Variants in LRCH3 observed in about 807,000 individuals in gnomAD.
LRCH3 encodes the protein leucine rich repeats and calponin homology domain containing 3.
A neutral mutation model predicts 104.5 loss-of-function variants in LRCH3; 68 were observed. That is an observed-to-expected ratio of 0.65 (90% CI 0.54 to 0.80). LRCH3 has a LOEUF of 0.80. LRCH3 is among the 30% of genes least tolerant of loss of function. The pLI is 0.00. For missense variants in LRCH3, 951 were observed against 953.9 expected, an observed-to-expected ratio of 1.00 and a Z score of 0.04; for synonymous variants, 344 against 361.3, an observed-to-expected ratio of 0.95 and a Z score of 0.54.
chr3:197,817,687 A>G (rs1734012820), intron 3 of LRCH3, among the ~76,000 whole-genome samples: 3 of 152,018 alleles, frequency 2.0e-5, no homozygotes, highest in Non-Finnish European at 2.9e-5. Flanking sequence ...TGTATCATCA[A>G]TATTCTGATT....
At chr3:197,875,893 C>A in intron 20 of LRCH3, 118 bp downstream of exon 20, 1 of 630,890 alleles carries the variant, frequency 1.6e-6, no homozygotes, top group Non-Finnish European at 2.7e-6. Flanking sequence ...TCATAATTAA[C>A]ATGACTTTGT....
chr3:197,791,269 C>G lies in LRCH3; in HGVS notation c.-10C>G, dbSNP rs374623656. 6 of 1,608,186 alleles carry G rather than the reference C, an allele frequency of 3.7e-6. No homozygotes were observed. Among genetic ancestry groups the G allele is most frequent in the Admixed American group, 1.7e-5 (1 of 59,652 alleles). On this transcript the variant is annotated 5_prime_UTR_variant, in exon 1 of 21. Coordinates refer to ENST00000425562, the MANE Select transcript of LRCH3 (RefSeq NM_001365715.1). ...CTGAGCTGGCGGGCCCGAGTGTTGT[C>G]GGCTGGGAAATGGCGGCCGCGGGCT... is the stretch of plus-strand genomic sequence containing the variant.
chr3:197,793,040 C>T (rs1273778792), intron 1 of LRCH3, among the ~76,000 whole-genome samples: 2 of 152,202 alleles, frequency 1.3e-5, no homozygotes, highest in Non-Finnish European at 2.9e-5. Flanking sequence ...CCGCCGACCT[C>T]GGCCTTACAA....
chr3:197,791,583 G>T (rs1291297486), intron 1 of LRCH3, 43 bp downstream of exon 1: 2 of 1,488,242 alleles, frequency 1.3e-6, no homozygotes, highest in Non-Finnish European at 1.8e-6. Context: ...GAGACCCGGC[G>T]CCGGGAGCCG....
chr3:197,824,255 G>T (rs1734842530), intron 4 of LRCH3, among the ~76,000 whole-genome samples: 1 of 151,676 alleles, frequency 6.6e-6, no homozygotes, highest in Admixed American at 6.6e-5. Flanking sequence ...AGTAGAGATG[G>T]GGTTTCACCA....
intron 16 of LRCH3, 94 bp downstream of exon 16, chr3:197,865,565 T>G (rs1338180710): frequency 1.3e-6 from 1 of 792,526 alleles, no homozygotes; most frequent in Non-Finnish European, 1.9e-6. Flanking sequence ...GAGGCCTTTC[T>G]GTGTTGACCA....
chr3:197,850,795 G>C, intron 12 of LRCH3: 1 of 1,222,936 alleles, frequency 8.2e-7, no homozygotes, highest in Non-Finnish European at 1.2e-6. Context: ...CGCTGTTTCT[G>C]TAAAGTGACA....
rs1218812239 is a variant in LRCH3 at position 197,856,682 on chromosome 3, C to T, written c.1645-2152C>T. On this transcript the variant is annotated intron_variant, in intron 14 of 20. Transcript: ENST00000425562. This position sits in a 1 kb window ranked among gnomAD's most constrained non-coding sequence, Gnocchi z 4.2. The stretch of plus-strand genomic sequence containing the variant: ...GATTACAGGCATGAGCCACCGTGCC[C>T]AGCTTGTTTATTCTTTTATTATCTC... Among the ~76,000 whole-genome samples the T allele has an allele frequency of 6.6e-6, 1 of 152,136 alleles. No individual in the cohort carries two copies. Among genetic ancestry groups the T allele is most frequent in the African/African-American group, 2.4e-5 (1 of 41,438 alleles).
intron 5 of LRCH3, among the ~76,000 whole-genome samples, chr3:197,828,875 T>G (rs576134898): frequency 6.6e-6 from 1 of 152,028 alleles, no homozygotes; most frequent in Admixed American, 6.6e-5. Flanking sequence ...GCCCGGCTAA[T>G]TTTTTGTATT....
intron 16 of LRCH3, among the ~76,000 whole-genome samples, chr3:197,865,822 A>G (rs1186412970): frequency 6.7e-6 from 1 of 149,524 alleles, no homozygotes; most frequent in Non-Finnish European, 1.5e-5. Flanking sequence ...CTAGTCAGCC[A>G]TTTGATATGA....
chr3:197,871,508 G>C (rs548366915), intron 19 of LRCH3, 46 bp downstream of exon 19: 2 of 1,605,112 alleles, frequency 1.2e-6, no homozygotes, highest in South Asian at 1.1e-5. Flanking sequence ...TCAGACATTT[G>C]TTAAGCACAG....
At position 197,856,534 on chromosome 3, in the gene LRCH3, A is replaced by G. The variant is rs1740268970; in HGVS notation, c.1644+2089A>G. Among the ~76,000 whole-genome samples the G allele has an allele frequency of 6.6e-6, 1 of 151,958 alleles. No individual in the cohort carries two copies. The highest frequency in any genetic ancestry group is 1.5e-5 in the Non-Finnish European group (1 of 67,964). On this transcript the variant is annotated intron_variant, in intron 14 of 20. Transcript: ENST00000425562. This position sits in a 1 kb window ranked among gnomAD's most constrained non-coding sequence, Gnocchi z 4.2. ...CTTGAGTAGCTGGGACTACGGGTGC[A>G]TGCACCACACGTGGCTAATTTTTTT...
chr3:197,798,385 A>G (rs1345703290), intron 1 of LRCH3, among the ~76,000 whole-genome samples: 1 of 152,256 alleles, frequency 6.6e-6, no homozygotes, highest in Non-Finnish European at 1.5e-5. Context: ...TGAAGCTTGA[A>G]GAAAACTCTT....
In LRCH3 at chr3:197,884,315, TG is replaced by T. The variant is rs1714025239; in HGVS notation, c.*651del. 1 of 152,332 alleles carries T rather than the reference TG, an allele frequency of 6.6e-6. No homozygotes were observed. The highest frequency in any genetic ancestry group is 1.5e-5 in the Non-Finnish European group (1 of 68,146). 9.4% of individuals were successfully genotyped at this position (152,332 alleles called of 1,614,324 possible). A position where few individuals can be genotyped will look rare whatever the true frequency, so the allele number is the denominator to read the frequency against. On this transcript the variant is annotated 3_prime_UTR_variant, in exon 21 of 21. Coordinates refer to ENST00000425562, the MANE Select transcript of LRCH3 (RefSeq NM_001365715.1). ...GACAACAGGTGCCCGCCACCATGCCTGGCTAATTTTCTTGTATTTTTAGTAG... is the reference window on the plus strand; with the variant it reads ...GACAACAGGTGCCCGCCACCATGCCTGCTAATTTTCTTGTATTTTTAGTAG...
intron 3 of LRCH3, among the ~76,000 whole-genome samples, chr3:197,819,027 G>A (rs1366887383): frequency 6.6e-6 from 1 of 151,914 alleles, no homozygotes; most frequent in Non-Finnish European, 1.5e-5. Context: ...TTGGGAGGCT[G>A]AGGCAGGAGA....
At chr3:197,833,885 A>T (rs149018148) in intron 8 of LRCH3, among the ~76,000 whole-genome samples, 2 of 152,364 alleles carry the variant, frequency 1.3e-5, no homozygotes, top group African/African-American at 4.8e-5. Flanking sequence ...TAATTTAGTC[A>T]GAAAAGTTTT....
At chr3:197,847,744 C>T in intron 11 of LRCH3, 128 bp from the exon 12 acceptor site, 4 of 328,614 alleles carry the variant, frequency 1.2e-5, no homozygotes, top group Non-Finnish European at 1.5e-5. Context: ...AAACACATTT[C>T]AAGCAATGCT....
rs527623255 is a variant in LRCH3, at chr3:197,866,681, A to T, written c.1873+462A>T. On this transcript the variant is annotated intron_variant, in intron 17 of 20. Coordinates refer to ENST00000425562, the MANE Select transcript of LRCH3 (RefSeq NM_001365715.1). Reference sequence around the variant, plus strand: ...CAAGTCAAAAATAACAACTTTTATCATGGTGGTGTGTGCCTGTGGTCCCAG... The same window carrying T: ...CAAGTCAAAAATAACAACTTTTATCTTGGTGGTGTGTGCCTGTGGTCCCAG... Among the ~76,000 whole-genome samples, 4 of 152,322 alleles carry T rather than the reference A, an allele frequency of 2.6e-5. No individual in the cohort carries two copies. In the East Asian group the frequency reaches 7.7e-4, roughly 29 times the overall value.
chr3:197,834,132 G>C (rs1213735279), intron 8 of LRCH3, among the ~76,000 whole-genome samples: 1 of 152,176 alleles, frequency 6.6e-6, no homozygotes, highest in Non-Finnish European at 1.5e-5. Flanking sequence ...AGAACGTCAT[G>C]AAGTAACAGG....
Sources: gnomAD v4.1 joint callset for allele counts (sites outside exome capture counted in the v4.1 genomes callset) on GRCh38, gnomAD v4.1.1 for gene constraint, Gnocchi (gnomAD v3.1) non-coding constraint, MANE v1.5 for transcripts, NCBI Gene and HGNC (gene_info 2026-07-23, HGNC 2026-07-21) for gene names.